Variants in CDC45 observed in about 807,000 individuals in gnomAD.
CDC45 encodes the protein cell division control protein 45 homolog.
A neutral mutation model predicts 77.8 loss-of-function variants in CDC45; 54 were observed. The ratio of observed to expected loss-of-function variants is 0.69; its 90% CI spans 0.56 to 0.87. CDC45 has a LOEUF of 0.87. CDC45 is among the 40% of genes least tolerant of loss of function. The pLI is 0.00. For missense variants in CDC45, 649 were observed against 721.6 expected (o/e 0.90, Z 1.15); for synonymous variants, 260 against 272.1 (o/e 0.96, Z 0.44).
chr22:19,514,685 C>T, intron 13 of CDC45, 64 bp from the exon 14 acceptor site: 1 of 1,398,640 alleles, frequency 7.1e-7, no homozygotes, highest in Admixed American at 2.1e-5. Flanking sequence ...CTATTTGTGA[C>T]TTTGGTATTT....
At chr22:19,512,138 C>T (rs1393845632) in intron 13 of CDC45, among the ~76,000 whole-genome samples, 1 of 152,102 alleles carries the variant, frequency 6.6e-6, no homozygotes, top group Non-Finnish European at 1.5e-5. Context: ...CAGCAAGGCC[C>T]CTTGCTCTTT....
At chr22:19,518,762 C>G in intron 17 of CDC45, 82 bp from the exon 18 acceptor site, 1 of 1,083,394 alleles carries the variant, frequency 9.2e-7, no homozygotes, top group South Asian at 1.2e-5. Context: ...CAGTGGAGGG[C>G]AGGCAGCGGA....
Position 19,483,980 on chromosome 22 carries a change from C to T in CDC45, c.461C>T (p.Ser154Phe). ...AATGACAGTGATGGGTCAGAGCCTTCTGAGAAGCGCACACGGTTAGAAGAG... is the reference window on the plus strand; with the variant it reads ...AATGACAGTGATGGGTCAGAGCCTTTTGAGAAGCGCACACGGTTAGAAGAG... ...SGNDSDGSEP[S>F]EKRTRLEEEI... is the part of the protein sequence containing the mutation. The change falls in exon 5 of 19, where the codon TCT becomes TTT. Residue 154 changes from serine to phenylalanine, a missense_variant. Transcript: ENST00000263201. 1 of 1,609,618 alleles carries T rather than the reference C, an allele frequency of 6.2e-7. No homozygotes were observed. Among genetic ancestry groups the T allele is most frequent in the Non-Finnish European group, 8.5e-7 (1 of 1,179,088 alleles).
upstream of CDC45, chr22:19,479,917 G>C (rs570684206): frequency 5.6e-6 from 9 of 1,604,164 alleles, no homozygotes; most frequent in Non-Finnish European, 7.7e-6. Flanking sequence ...CTTGACCGCC[G>C]CCGGGCTCTT....
intron 7 of CDC45, among the ~76,000 whole-genome samples, chr22:19,496,242 G>A (rs2090240027): frequency 6.6e-6 from 1 of 152,198 alleles, no homozygotes; most frequent in Admixed American, 6.5e-5. Context: ...TCATTTCAGA[G>A]GTAATTATTA....
chr22:19,506,502 C>T (rs1344964371), intron 10 of CDC45, among the ~76,000 whole-genome samples: 1 of 151,984 alleles, frequency 6.6e-6, no homozygotes, highest in Non-Finnish European at 1.5e-5. Context: ...TTGGGAGGGG[C>T]AGTGGTGGGA....
At chr22:19,503,020 A>G (rs946987958) in intron 9 of CDC45, among the ~76,000 whole-genome samples, 21 of 152,122 alleles carry the variant, frequency 1.4e-4, no homozygotes, top group Non-Finnish European at 2.6e-4. Flanking sequence ...AAAAAAAATC[A>G]GCTGGGCATG....
chr22:19,492,245 C>T (rs1055990522), intron 5 of CDC45, among the ~76,000 whole-genome samples: 1 of 151,974 alleles, frequency 6.6e-6, no homozygotes, highest in Non-Finnish European at 1.5e-5. Flanking sequence ...CCCAGAGGTT[C>T]TAGTTTTTTT....
At chr22:19,494,600 C>A in intron 6 of CDC45, 1 of 1,540,402 alleles carries the variant, frequency 6.5e-7, no homozygotes, top group Non-Finnish European at 8.8e-7. Context: ...CAAGGTCTCC[C>A]AGGTACATGC....
In CDC45 at chr22:19,514,737, G is replaced by T; in HGVS notation, c.1218-12G>T. 6.3e-7 allele frequency: 1 copy of T among 1,594,000 alleles called. No individual in the cohort carries two copies. The highest frequency in any genetic ancestry group is 8.5e-7 in the Non-Finnish European group (1 of 1,170,376). ...CAAGCACCACCAAAGCCATGTGTCT[G>T]CCCTGTTACAGGAGTAACCTGGACA... On this transcript the variant is annotated splice_polypyrimidine_tract_variant and intron_variant, in intron 13 of 18. Transcript: ENST00000263201.
At chr22:19,516,953 G>GC in intron 17 of CDC45, 60 bp downstream of exon 17, 1 of 1,395,456 alleles carries the variant, frequency 7.2e-7, no homozygotes, top group East Asian at 2.3e-5. Flanking sequence ...GCTATTGCAG[G>GC]CCCTGGAACC....
chr22:19,502,092 T>A (rs1002269004), intron 9 of CDC45, among the ~76,000 whole-genome samples: 4 of 152,200 alleles, frequency 2.6e-5, no homozygotes, highest in African/African-American at 9.7e-5. Context: ...TGTGTATTTT[T>A]GCTGACAACT....
At position 19,479,935 on chromosome 22, in the gene CDC45, CAGCGCG is replaced by C; in HGVS notation, c.-28_-23del. ...GACCGCCGCCGGGCTCTTGGTACCTCAGCGCGAGCGCCAGGCGTCCGGCCGCCGTGG... is the reference window on the plus strand; with the variant it reads ...GACCGCCGCCGGGCTCTTGGTACCTCAGCGCCAGGCGTCCGGCCGCCGTGG... On this transcript the variant is annotated 5_prime_UTR_variant, in exon 1 of 19. Transcript: ENST00000263201. 6.2e-7 allele frequency: 1 copy of C among 1,611,708 alleles called. No individual in the cohort carries two copies. The highest frequency in any genetic ancestry group is 1.7e-5 in the Admixed American group (1 of 60,028).
chr22:19,482,055 A>G (rs1015306192), intron 3 of CDC45, among the ~76,000 whole-genome samples: 3 of 152,204 alleles, frequency 2.0e-5, no homozygotes, highest in African/African-American at 7.2e-5. Context: ...AGATGCCAGG[A>G]TTCCTCCCAC....
intron 6 of CDC45, among the ~76,000 whole-genome samples, chr22:19,495,183 A>T (rs1162245488): frequency 6.6e-6 from 1 of 152,228 alleles, no homozygotes; most frequent in Non-Finnish European, 1.5e-5. Flanking sequence ...TGGGTTATAC[A>T]TACTTGTGCA....
chr22:19,510,496 T>C (rs540466495), intron 13 of CDC45, among the ~76,000 whole-genome samples: 1 of 152,250 alleles, frequency 6.6e-6, no homozygotes, highest in East Asian at 1.9e-4. Context: ...GCAAGGCTCA[T>C]CTATATTGTA....
chr22:19,480,262 G>A, intron 2 of CDC45, 45 bp downstream of exon 2: 1 of 1,575,792 alleles, frequency 6.3e-7, no homozygotes, highest in Non-Finnish European at 8.7e-7. Flanking sequence ...CGCGCGAGGT[G>A]AGGGTGCTGC....
At chr22:19,486,236 A>C (rs547589844) in intron 5 of CDC45, among the ~76,000 whole-genome samples, 2 of 152,258 alleles carry the variant, frequency 1.3e-5, no homozygotes, top group East Asian at 3.9e-4. Flanking sequence ...CCTAAGAATA[A>C]GGACATTCTT....
At chr22:19,519,566 T>A (rs929922580) in intron 18 of CDC45, among the ~76,000 whole-genome samples, 15 of 152,210 alleles carry the variant, frequency 9.9e-5, no homozygotes, top group Non-Finnish European at 2.1e-4. Flanking sequence ...CCACAGGGAA[T>A]GCCACATCCA....
Sources: allele counts gnomAD v4.1 joint callset (sites outside exome capture counted in the v4.1 genomes callset), GRCh38; gene constraint gnomAD v4.1.1; transcripts MANE v1.5; gene names NCBI Gene and HGNC (gene_info 2026-07-23, HGNC 2026-07-21).